MARCHF2: variants seen among roughly 807,000 people sequenced by gnomAD.
The protein encoded by MARCHF2 is membrane associated ring-CH-type finger 2.
Under a neutral mutation model 24.0 loss-of-function variants are expected in MARCHF2, and 22 were observed. That is an observed-to-expected ratio of 0.92 (90% CI 0.66 to 1.31). The LOEUF (loss-of-function observed/expected upper bound fraction) is 1.31. Among genes scored for constraint, MARCHF2 ranks in the 50% most tolerant of loss-of-function variants. The probability of loss-of-function intolerance (pLI) is 0.00; values close to 1 mark genes in which losing one functional copy is unlikely to be tolerated. For missense variants in MARCHF2, 301 were observed against 335.3 expected, an observed-to-expected ratio of 0.90 and a Z score of 0.80; for synonymous variants, 154 against 153.0, an observed-to-expected ratio of 1.01 and a Z score of -0.05.
chr19:8,435,932 C>T (rs1967708345), intron 4 of MARCHF2, among the ~76,000 whole-genome samples: 1 of 151,530 alleles, frequency 6.6e-6, no homozygotes, highest in Non-Finnish European at 1.5e-5. Context: ...GATCATGGCT[C>T]ACTGCAGCCT....
At chr19:8,426,294 G>GTATTT (rs1967400778) in intron 2 of MARCHF2, among the ~76,000 whole-genome samples, 1 of 151,594 alleles carries the variant, frequency 6.6e-6, no homozygotes, top group African/African-American at 2.4e-5. Context: ...ATCAGGGTGG[G>GTATTT]TATTTTAGGG....
chr19:8,421,507 G>A (rs562508255), intron 1 of MARCHF2, among the ~76,000 whole-genome samples: 38 of 151,496 alleles, frequency 2.5e-4, no homozygotes, highest in African/African-American at 7.3e-4. Context: ...GATTACAGGC[G>A]TCAGCCACCG....
intron 3 of MARCHF2, among the ~76,000 whole-genome samples, chr19:8,429,110 C>G (rs371503988): frequency 4.3e-5 from 6 of 140,914 alleles, no homozygotes; most frequent in Admixed American, 1.4e-4. Context: ...GCCGCCTCCC[C>G]CTATCCCAGG....
chr19:8,428,526 T>C (rs1165008425), intron 3 of MARCHF2, among the ~76,000 whole-genome samples: 1 of 149,834 alleles, frequency 6.7e-6, no homozygotes, highest in Non-Finnish European at 1.5e-5. Context: ...GGCGCATGCC[T>C]GTAATCCCAG....
chr19:8,431,059 A>C (rs1226484480), intron 4 of MARCHF2, among the ~76,000 whole-genome samples, 192 bp downstream of exon 4: 1 of 152,192 alleles, frequency 6.6e-6, no homozygotes, highest in Non-Finnish European at 1.5e-5. Flanking sequence ...ACAAAGGTCT[A>C]GGGAATCCCT....
At chr19:8,425,902 A>T (rs1967385758) in intron 2 of MARCHF2, among the ~76,000 whole-genome samples, 1 of 151,102 alleles carries the variant, frequency 6.6e-6, no homozygotes, top group Non-Finnish European at 1.5e-5. Context: ...GGAATGAGCC[A>T]CCTCACCCAG....
At chr19:8,419,298 A>G (rs1278154015) in intron 1 of MARCHF2, among the ~76,000 whole-genome samples, 4 of 151,750 alleles carry the variant, frequency 2.6e-5, no homozygotes. Flanking sequence ...GATCAAAACT[A>G]TCCTGGCCAA....
At chr19:8,431,649 C>T (rs2145566352) in intron 4 of MARCHF2, among the ~76,000 whole-genome samples, 2 of 151,894 alleles carry the variant, frequency 1.3e-5, no homozygotes, top group South Asian at 4.1e-4. Flanking sequence ...CCAGCCTGGC[C>T]AACATGGTGA....
intron 1 of MARCHF2, among the ~76,000 whole-genome samples, chr19:8,416,125 C>T (rs940139784): frequency 2.6e-5 from 4 of 152,034 alleles, no homozygotes; most frequent in East Asian, 1.9e-4. Context: ...GGGCGGATCA[C>T]GAGGTCAGGA....
chr19:8,430,599 C>G lies in MARCHF2; in HGVS notation c.373-59C>G. 4 of 1,423,442 alleles carry G rather than the reference C, an allele frequency of 2.8e-6. No individual in the cohort carries two copies. Among genetic ancestry groups the G allele is most frequent in the Non-Finnish European group, 3.9e-6 (4 of 1,022,098 alleles). The allele number at this position is 1,423,442 out of a possible 1,614,324, so 88.2% of individuals were successfully genotyped here. A position where few individuals can be genotyped will look rare whatever the true frequency, so the allele number is the denominator to read the frequency against. On this transcript the variant is annotated intron_variant, in intron 3 of 4. Transcript: ENST00000215555. The surrounding 1 kb of genome is among the most constrained non-coding windows in gnomAD (Gnocchi z 4.4). Reference sequence around the variant, plus strand: ...CCTAGGCCTGGAGGTCCTTACCCCTCCCCCTCAGTAGCCCCTTCTCTGCCC... The same window carrying G: ...CCTAGGCCTGGAGGTCCTTACCCCTGCCCCTCAGTAGCCCCTTCTCTGCCC...
At chr19:8,432,657 G>A (rs1471175550) in intron 4 of MARCHF2, among the ~76,000 whole-genome samples, 1 of 151,706 alleles carries the variant, frequency 6.6e-6, no homozygotes, top group African/African-American at 2.4e-5. Flanking sequence ...TGGGCATGGT[G>A]GCACATGCCT....
rs369549585 is a variant in MARCHF2 at position 8,424,008 on chromosome 19, GA to G, written c.176+2001del. Among the ~76,000 whole-genome samples the G allele has an allele frequency of 2.8e-3, 408 of 143,248 alleles. 2 individuals are homozygous for G. The highest frequency in any genetic ancestry group is 9.5e-3 in the African/African-American group (367 of 38,724). The allele number at this position is 143,248 out of a possible 152,430, so 94.0% of individuals were successfully genotyped here. On this transcript the variant is annotated intron_variant, in intron 2 of 4. Transcript: ENST00000215555. ...CTCAAAAAAAAAAAAAAAAAAGAAA[GA>G]AAAAAAAATACAGTCTCTCTGAGAG... is the stretch of plus-strand genomic sequence containing the variant.
chr19:8,428,109 A>T (rs370380235), intron 3 of MARCHF2, among the ~76,000 whole-genome samples: 54 of 152,252 alleles, frequency 3.5e-4, no homozygotes, highest in African/African-American at 1.3e-3. Context: ...AAATACAAAA[A>T]ATTAGCCGGG....
intron 4 of MARCHF2, among the ~76,000 whole-genome samples, chr19:8,433,208 AC>A (rs1967625795): frequency 1.3e-5 from 2 of 151,326 alleles, no homozygotes; most frequent in Admixed American, 6.6e-5. Flanking sequence ...ATAGAGCCTG[AC>A]CTTGTCTCGA....
chr19:8,419,077 C>A (rs894137689), intron 1 of MARCHF2, among the ~76,000 whole-genome samples: 2 of 151,918 alleles, frequency 1.3e-5, no homozygotes, highest in African/African-American at 4.8e-5. Flanking sequence ...AATTCTCTGC[C>A]GGGCCGGGTG....
At chr19:8,421,723 G>A (rs1401322903) in intron 1 of MARCHF2, 66 bp from the exon 2 acceptor site, 3 of 836,296 alleles carry the variant, frequency 3.6e-6, no homozygotes, top group South Asian at 3.7e-5. Context: ...GACAAGAGGG[G>A]ACTCAAACCT....
chr19:8,436,840 G>A (rs967577465), intron 4 of MARCHF2, among the ~76,000 whole-genome samples: 4 of 151,750 alleles, frequency 2.6e-5, no homozygotes, highest in African/African-American at 7.3e-5. Context: ...ACAGGCACCC[G>A]CCACCATGCC....
chr19:8,420,329 CAA>C (rs1352629704), intron 1 of MARCHF2, among the ~76,000 whole-genome samples: 11 of 147,596 alleles, frequency 7.5e-5, no homozygotes, highest in Admixed American at 1.4e-4. Context: ...GCCTGGGCGA[CAA>C]GAGTGAAACT....
In MARCHF2 at chr19:8,438,710, G is replaced by T; in HGVS notation, c.*164G>T. ...CATGCAGAGCCTAGTCTGTGATCCT[G>T]TGTGAAGATATTTTCAGGGTTTTTT... On this transcript the variant is annotated 3_prime_UTR_variant, in exon 5 of 5. Coordinates refer to ENST00000215555, the MANE Select transcript of MARCHF2 (RefSeq NM_001005415.2). 2 of 603,944 alleles carry T rather than the reference G, an allele frequency of 3.3e-6. No homozygotes were observed. Among genetic ancestry groups the T allele is most frequent in the South Asian group, 2.5e-5 (1 of 39,632 alleles). The allele number at this position is 603,944 out of a possible 1,614,324, so 37.4% of individuals were successfully genotyped here.
Sources: gnomAD v4.1 joint callset for allele counts (sites outside exome capture counted in the v4.1 genomes callset) on GRCh38, gnomAD v4.1.1 for gene constraint, Gnocchi (gnomAD v3.1) non-coding constraint, MANE v1.5 for transcripts, NCBI Gene and HGNC (gene_info 2026-07-23, HGNC 2026-07-21) for gene names.